The following STIM2 variants were observed in gnomAD, a reference collection of about 807,000 sequenced individuals.
STIM2 encodes stromal interaction molecule 2.
STIM2 carries 31 observed loss-of-function variants against 85.8 expected under a neutral mutation model. The observed-to-expected ratio is 0.36, with a 90% confidence interval of 0.27 to 0.49. The LOEUF (loss-of-function observed/expected upper bound fraction) is 0.49. Among genes scored for constraint, STIM2 ranks in the 20% least tolerant of loss-of-function variants. The pLI is 0.98. For missense variants in STIM2, 841 were observed against 927.6 expected (o/e 0.91, Z 1.21); for synonymous variants, 356 against 331.1 (o/e 1.08, Z -0.82).
intron 2 of STIM2, 130 bp downstream of exon 2, chr4:26,919,764 T>A: frequency 8.7e-7 from 1 of 1,143,074 alleles, no homozygotes; most frequent in Admixed American, 2.7e-5. Context: ...ATTTTTCTTT[T>A]TACATGTTAA....
At chr4:26,915,778 A>G (rs1401127022) in intron 1 of STIM2, among the ~76,000 whole-genome samples, 1 of 152,162 alleles carries the variant, frequency 6.6e-6, no homozygotes, top group Non-Finnish European at 1.5e-5. Flanking sequence ...GCTGTATCAC[A>G]CTATGTTGCA....
At chr4:26,885,847 A>ATGTG (rs1577415588) in intron 1 of STIM2, among the ~76,000 whole-genome samples, 2 of 43,496 alleles carry the variant, frequency 4.6e-5, no homozygotes, top group South Asian at 5.6e-4. Context: ...ATATATATAT[A>ATGTG]TATATATATA....
intron 11 of STIM2, among the ~76,000 whole-genome samples, chr4:27,018,486 C>T (rs1467034224): frequency 6.6e-6 from 1 of 152,214 alleles, no homozygotes; most frequent in African/African-American, 2.4e-5. Flanking sequence ...GATCTCTAGA[C>T]TAAAATGTAA....
intron 10 of STIM2, among the ~76,000 whole-genome samples, 197 bp downstream of exon 10, chr4:27,009,199 T>C (rs1216150095): frequency 6.6e-6 from 1 of 152,200 alleles, no homozygotes; most frequent in Non-Finnish European, 1.5e-5. Context: ...ATACTTTGTG[T>C]ATATTTATAT....
intron 5 of STIM2, among the ~76,000 whole-genome samples, chr4:27,001,753 T>C (rs1373058661): frequency 6.6e-6 from 1 of 152,188 alleles, no homozygotes. Context: ...GTTATATAGC[T>C]GCCTCCTTGG....
intron 1 of STIM2, among the ~76,000 whole-genome samples, chr4:26,877,855 C>A (rs1009168509): frequency 5.3e-5 from 8 of 152,114 alleles, no homozygotes; most frequent in Admixed American, 4.6e-4. Context: ...TTAAGAGGTG[C>A]TTAGGCCATG....
At chr4:26,997,733 A>G (rs942541292) in intron 4 of STIM2, among the ~76,000 whole-genome samples, 1 of 152,226 alleles carries the variant, frequency 6.6e-6, no homozygotes, top group Non-Finnish European at 1.5e-5. Flanking sequence ...GGATACAGAG[A>G]TACGACATAG....
At chr4:26,954,002 A>G (rs116000198) in intron 2 of STIM2, among the ~76,000 whole-genome samples, 1,869 of 152,128 alleles carry the variant, frequency 0.012, 43 homozygotes, top group African/African-American at 0.043. Flanking sequence ...TATGGATGAT[A>G]GATTGAGAGG....
chr4:26,968,701 C>G (rs1342153467), intron 3 of STIM2, among the ~76,000 whole-genome samples: 1 of 152,038 alleles, frequency 6.6e-6, no homozygotes, highest in Non-Finnish European at 1.5e-5. Flanking sequence ...TATTTCACCA[C>G]AATGAAGGAT....
At chr4:27,007,252 C>A (rs1728395551) in intron 7 of STIM2, among the ~76,000 whole-genome samples, 1 of 151,812 alleles carries the variant, frequency 6.6e-6, no homozygotes, top group Admixed American at 6.6e-5. Context: ...TATAAATAAG[C>A]CCTCTCTACC....
At chr4:26,967,288 G>A (rs1726759709) in intron 3 of STIM2, among the ~76,000 whole-genome samples, 1 of 152,172 alleles carries the variant, frequency 6.6e-6, no homozygotes, top group South Asian at 2.1e-4. Context: ...CTCATGTAAA[G>A]GTATAATAAT....
intron 2 of STIM2, among the ~76,000 whole-genome samples, chr4:26,944,152 T>C (rs1184111142): frequency 6.6e-6 from 1 of 152,156 alleles, no homozygotes; most frequent in Non-Finnish European, 1.5e-5. Context: ...AATATATACA[T>C]GGTTCCACAG....
In STIM2 at chr4:26,861,035, T is replaced by G; in HGVS notation, c.-184T>G. On this transcript the variant is annotated 5_prime_UTR_variant, in exon 1 of 12. Transcript: ENST00000467087. Reference sequence around the variant, plus strand: ...GGCTGGCGCCCGGCGGGAGCCCGTGTCTGAGGCGGCGGGGGCGGCCGGAGG... The same window carrying G: ...GGCTGGCGCCCGGCGGGAGCCCGTGGCTGAGGCGGCGGGGGCGGCCGGAGG... 8.3e-7 allele frequency: 1 copy of G among 1,210,866 alleles called. No individual in the cohort carries two copies. Among genetic ancestry groups the G allele is most frequent in the Non-Finnish European group, 1.0e-6 (1 of 972,206 alleles). 75.0% of individuals were successfully genotyped at this position (1,210,866 alleles called of 1,614,324 possible).
chr4:26,864,218 A>G (rs1722312850), intron 1 of STIM2, among the ~76,000 whole-genome samples: 1 of 152,140 alleles, frequency 6.6e-6, no homozygotes, highest in South Asian at 2.1e-4. Context: ...CAATATTCAT[A>G]ACATTATATA....
chr4:26,898,476 G>A (rs1723790464), intron 1 of STIM2, among the ~76,000 whole-genome samples: 1 of 152,086 alleles, frequency 6.6e-6, no homozygotes, highest in African/African-American at 2.4e-5. Flanking sequence ...TCATGTAGTG[G>A]CTGTGGTTTT....
intron 4 of STIM2, 78 bp downstream of exon 4, chr4:26,995,568 A>T: frequency 1.3e-6 from 1 of 786,538 alleles, no homozygotes; most frequent in East Asian, 3.0e-5. Flanking sequence ...TACTGAATCT[A>T]CAAGTTACTT....
intron 2 of STIM2, among the ~76,000 whole-genome samples, chr4:26,927,764 AAAAT>A (rs1224968318): frequency 4.8e-5 from 7 of 145,426 alleles, no homozygotes; most frequent in Non-Finnish European, 9.0e-5. Context: ...CTTAAAAAAA[AAAAT>A]ATTATTAATA....
intron 3 of STIM2, among the ~76,000 whole-genome samples, chr4:26,986,648 G>A (rs901798201): frequency 1.3e-5 from 2 of 152,070 alleles, no homozygotes; most frequent in African/African-American, 2.4e-5. Flanking sequence ...TACCACTGTC[G>A]ACCACACAAC....
chr4:26,867,661 G>C (rs965194970), intron 1 of STIM2, among the ~76,000 whole-genome samples: 3 of 152,186 alleles, frequency 2.0e-5, no homozygotes, highest in Non-Finnish European at 4.4e-5. Context: ...ATTGTTGTGT[G>C]AATTTCAAGC....
Sources: gnomAD v4.1 joint callset for allele counts (sites outside exome capture counted in the v4.1 genomes callset) on GRCh38, gnomAD v4.1.1 for gene constraint, MANE v1.5 for transcripts, NCBI Gene and HGNC (gene_info 2026-07-23, HGNC 2026-07-21) for gene names.